TIGD4: variants seen among roughly 807,000 people sequenced by gnomAD.
TIGD4 encodes the protein tigger transposable element derived 4, also known as tigger transposable element-derived protein 4.
TIGD4 carries 20 observed loss-of-function variants against 24.9 expected under a neutral mutation model. The ratio of observed to expected loss-of-function variants is 0.80; its 90% CI spans 0.56 to 1.17. The LOEUF is 1.17. Ranked by LOEUF, TIGD4 falls within the 50% of genes most tolerant of loss-of-function variation. TIGD4 has a pLI of 0.00. For missense variants in TIGD4, 566 were observed against 591.0 expected, an observed-to-expected ratio of 0.96 and a Z score of 0.44; for synonymous variants, 193 against 211.0, an observed-to-expected ratio of 0.91 and a Z score of 0.74.
rs757616663 is a variant in TIGD4, at chr4:152,770,588, C to A, written c.417G>T (p.Arg139Ser). The change falls in exon 2 of 2, where the codon AGG (arginine) becomes AGT (serine). Residue 139 changes from arginine (R) to serine (S), a missense_variant. By Grantham distance (110) the Arg-to-Ser change is moderately radical. Coordinates refer to ENST00000304337, the MANE Select transcript of TIGD4 (RefSeq NM_145720.4). The stretch of plus-strand genomic sequence containing the variant: ...GTTGAGCTCTGAATACTAAACCATA[C>A]CTGGATTTAAAACGATCCAGCCAAC... ...SNGWLDRFKS[R>S]YGLVFRAQPV... is the part of the protein sequence containing the mutation. The A allele has an allele frequency of 2.5e-6, 4 of 1,609,334 alleles. No homozygotes were observed. The highest frequency in any genetic ancestry group is 4.5e-5 in the East Asian group (2 of 44,818).
In TIGD4 at chr4:152,770,916, A is replaced by T; in HGVS notation, c.89T>A (p.Ile30Lys). 6.2e-7 allele frequency: 1 copy of T among 1,613,954 alleles called. No individual in the cohort carries two copies. The highest frequency in any genetic ancestry group is 2.2e-5 in the East Asian group (1 of 44,870). ...TTTCTTGCCACTTTCCACTGCATTT[A>T]TGATGTCGATCTTTTCCTCAATGGA... is the stretch of plus-strand genomic sequence containing the variant. Reference protein sequence around the residue: ...SLSIEEKIDIINAVESGKKKA... With the variant: ...SLSIEEKIDIKNAVESGKKKA... Residue 30 changes from isoleucine to lysine, a missense_variant, in exon 2 of 2, where the codon ATA (isoleucine) becomes AAA (lysine). Transcript: ENST00000304337.
chr4:152,771,151 AG>A lies in TIGD4; in HGVS notation c.-148del. 1 of 935,510 alleles carries A rather than the reference AG, an allele frequency of 1.1e-6. No individual in the cohort carries two copies. Among genetic ancestry groups the A allele is most frequent in the Non-Finnish European group, 1.5e-6 (1 of 674,252 alleles). The allele number at this position is 935,510 out of a possible 1,614,324, so 58.0% of individuals were successfully genotyped here. ...TTGGTGTCTAATAGTCTTATTTTGT[AG>A]GAACTTGATGACAAAATATGCTTTT... is the stretch of plus-strand genomic sequence containing the variant. On this transcript the variant is annotated 5_prime_UTR_variant, in exon 2 of 2. Transcript: ENST00000304337.
At position 152,770,206 on chromosome 4, in the gene TIGD4, G is replaced by T. The variant is rs763022819; in HGVS notation, c.799C>A (p.Gln267Lys). ...TCCTCATCAAGCTTTCGCATCCATT[G>T]TTCAAATACATCGGAGGTCATCCAT... ...MAWMTSDVFE[Q>K]WMRKLDEEFQ... The change falls in exon 2 of 2, where the codon CAA becomes AAA. Residue 267 changes from glutamine to lysine, a missense_variant. Coordinates refer to ENST00000304337, the MANE Select transcript of TIGD4 (RefSeq NM_145720.4). The T allele has an allele frequency of 6.2e-7, 1 of 1,614,088 alleles. No individual in the cohort carries two copies. Among genetic ancestry groups the T allele is most frequent in the Non-Finnish European group, 8.5e-7 (1 of 1,179,966 alleles).
chr4:152,776,996 C>T (rs1025366244), intron 1 of TIGD4, among the ~76,000 whole-genome samples: 4 of 152,168 alleles, frequency 2.6e-5, no homozygotes, highest in African/African-American at 9.7e-5. Flanking sequence ...GAAAACATTT[C>T]TGCTGATAAG....
rs371058118 is a variant in TIGD4, at chr4:152,770,173, C to T, written c.832G>A (p.Ala278Thr). Residue 278 changes from alanine (A) to threonine (T), a missense_variant, in exon 2 of 2, where the codon GCC becomes ACC. Ala to Thr is a moderately conservative substitution (Grantham distance 58). Coordinates refer to ENST00000304337, the MANE Select transcript of TIGD4 (RefSeq NM_145720.4). ...AAAATCACCACTCTTCGTTGCTGGGCTTGAAATTCCTCATCAAGCTTTCGC... is the reference window on the plus strand; with the variant it reads ...AAAATCACCACTCTTCGTTGCTGGGTTTGAAATTCCTCATCAAGCTTTCGC... ...WMRKLDEEFQ[A>T]QQRRVVIFVE... 501 of 1,614,080 alleles carry T rather than the reference C, an allele frequency of 3.1e-4. 5 individuals carry two copies. In the South Asian group the frequency reaches 5.2e-3, roughly 17 times the overall value.
Position 152,772,688 on chromosome 4 carries a change from A to C in TIGD4, c.-538-1146T>G, listed in dbSNP as rs373402445. Among the ~76,000 whole-genome samples, 22 of 151,752 alleles carry C rather than the reference A, an allele frequency of 1.4e-4. 1 individual carries two copies. Among genetic ancestry groups the C allele is most frequent in the African/African-American group, 4.6e-4 (19 of 41,356 alleles). On this transcript the variant is annotated intron_variant, in intron 1 of 1. Transcript: ENST00000304337. ...AACAGAAGCAAGAATCCCACCTTAAATCTATACTCAAAGTAGGGCTTTTCT... is the reference window on the plus strand; with the variant it reads ...AACAGAAGCAAGAATCCCACCTTAACTCTATACTCAAAGTAGGGCTTTTCT...
At chr4:152,774,132 T>C (rs932107471) in intron 1 of TIGD4, among the ~76,000 whole-genome samples, 4 of 151,220 alleles carry the variant, frequency 2.6e-5, no homozygotes, top group African/African-American at 9.7e-5. Flanking sequence ...ATAAAATCTA[T>C]CATGTCAAAC....
In TIGD4 at chr4:152,770,223, G is replaced by C; in HGVS notation, c.782C>G (p.Thr261Ser). Residue 261 changes from threonine (T) to serine (S), a missense_variant, in exon 2 of 2, where the codon ACC (threonine) becomes AGC (serine). Transcript: ENST00000304337. The part of the protein sequence containing the change: ...CYEANRMAWM[T>S]SDVFEQWMRK... The stretch of plus-strand genomic sequence containing the variant: ...CATCCATTGTTCAAATACATCGGAG[G>C]TCATCCATGCCATTCTGTTAGCTTC... 6.2e-7 allele frequency: 1 copy of C among 1,614,048 alleles called. No homozygotes were observed. Among genetic ancestry groups the C allele is most frequent in the Non-Finnish European group, 8.5e-7 (1 of 1,179,966 alleles).
chr4:152,779,389 G>C (rs558387735), intron 1 of TIGD4, 93 bp downstream of exon 1: 3 of 152,348 alleles, frequency 2.0e-5, no homozygotes, highest in African/African-American at 7.2e-5. Context: ...CCCCAGGCAC[G>C]GGGGCAGCGC....
Position 152,769,862 on chromosome 4 carries a change from T to C in TIGD4, c.1143A>G (p.Lys381=), listed in dbSNP as rs922671560. 27 of 1,613,072 alleles carry C rather than the reference T, an allele frequency of 1.7e-5. No individual in the cohort carries two copies. The highest frequency in any genetic ancestry group is 1.6e-4 in the Middle Eastern group (1 of 6,084). The change falls in exon 2 of 2, where the codon AAA becomes AAG. Residue 381 remains lysine, a synonymous_variant. Transcript: ENST00000304337. The part of the protein sequence containing the change: ...IVKSYEEAGF[K]SQKGESDITN... ...TTATGTCACTTTCTCCCTTTTGAGA[T>C]TTGAATCCTGCCTCTTCATAGCTTT...
chr4:152,773,361 GAA>G (rs1167196735), intron 1 of TIGD4, among the ~76,000 whole-genome samples: 1 of 151,836 alleles, frequency 6.6e-6, no homozygotes, highest in Non-Finnish European at 1.5e-5. Flanking sequence ...GTGTCATTTC[GAA>G]AAAAGTCTTA....
Position 152,770,203 on chromosome 4 carries a change from A to C in TIGD4, c.802T>G (p.Trp268Gly). Residue 268 changes from tryptophan (W) to glycine (G), a missense_variant, in exon 2 of 2, where the codon TGG (tryptophan) becomes GGG (glycine). By Grantham distance (184) the Trp-to-Gly change is radical. Coordinates refer to ENST00000304337, the MANE Select transcript of TIGD4 (RefSeq NM_145720.4). ...AWMTSDVFEQ[W>G]MRKLDEEFQA... is the part of the protein sequence containing the mutation. Reference sequence around the variant, plus strand: ...AATTCCTCATCAAGCTTTCGCATCCATTGTTCAAATACATCGGAGGTCATC... The same window carrying C: ...AATTCCTCATCAAGCTTTCGCATCCCTTGTTCAAATACATCGGAGGTCATC... 2 of 1,614,126 alleles carry C rather than the reference A, an allele frequency of 1.2e-6. No homozygotes were observed. Among genetic ancestry groups the C allele is most frequent in the Admixed American group, 1.7e-5 (1 of 60,024 alleles).
At chr4:152,775,692 C>A (rs1730248336) in intron 1 of TIGD4, among the ~76,000 whole-genome samples, 1 of 152,176 alleles carries the variant, frequency 6.6e-6, no homozygotes, top group Non-Finnish European at 1.5e-5. Context: ...TCCTCTACTG[C>A]CACAAGCAGG....
chr4:152,769,779 A>G lies in TIGD4; in HGVS notation c.1226T>C (p.Val409Ala). The G allele has an allele frequency of 6.2e-7, 1 of 1,613,446 alleles. No homozygotes were observed. Among genetic ancestry groups the G allele is most frequent in the Non-Finnish European group, 8.5e-7 (1 of 1,179,928 alleles). ...TATAGATAAACCTTCAGGAAATTCT[A>G]CTCCTGCCCCCAGAGCATCAGCAAC... ...DLVADALGAG[V>A]EFPEGLSIEE... The change falls in exon 2 of 2, where the codon GTA (valine) becomes GCA (alanine). Residue 409 changes from valine (V) to alanine (A), a missense_variant. By Grantham distance (64) the Val-to-Ala change is moderately conservative (BLOSUM62 0). Coordinates refer to ENST00000304337, the MANE Select transcript of TIGD4 (RefSeq NM_145720.4).
At chr4:152,778,581 A>G (rs1251518395) in intron 1 of TIGD4, among the ~76,000 whole-genome samples, 4 of 152,230 alleles carry the variant, frequency 2.6e-5, no homozygotes, top group African/African-American at 7.2e-5. Context: ...TTTGTTTAAG[A>G]CAGAACCACT....
chr4:152,770,010 T>A lies in TIGD4; in HGVS notation c.995A>T (p.His332Leu). The A allele has an allele frequency of 6.2e-7, 1 of 1,610,060 alleles. No individual in the cohort carries two copies. Among genetic ancestry groups the A allele is most frequent in the East Asian group, 2.2e-5 (1 of 44,800 alleles). ...GCTTAAAAATTTCTTGATAAGACAGTGTCGATATTTGATTTTAAGGCTTTT... is the reference window on the plus strand; with the variant it reads ...GCTTAAAAATTTCTTGATAAGACAGAGTCGATATTTGATTTTAAGGCTTTT... ...VIKSLKIKYR[H>L]CLIKKFLSSV... Residue 332 changes from histidine to leucine, a missense_variant, in exon 2 of 2, where the codon CAC (histidine) becomes CTC (leucine). Physicochemically the swap from His to Leu is moderately conservative, Grantham distance 99 (BLOSUM62 -3). Coordinates refer to ENST00000304337, the MANE Select transcript of TIGD4 (RefSeq NM_145720.4).
Position 152,771,087 on chromosome 4 carries a change from A to T in TIGD4, c.-83T>A. Reference sequence around the variant, plus strand: ...AATTAAATTTGTTTTCCAGTATAATATAGATTGCTGCTTTCTATCCTACTT... The same window carrying T: ...AATTAAATTTGTTTTCCAGTATAATTTAGATTGCTGCTTTCTATCCTACTT... On this transcript the variant is annotated 5_prime_UTR_variant, in exon 2 of 2. Transcript: ENST00000304337. 6.9e-7 allele frequency: 1 copy of T among 1,451,718 alleles called. No individual in the cohort carries two copies. The highest frequency in any genetic ancestry group is 9.1e-7 in the Non-Finnish European group (1 of 1,098,982). 89.9% of individuals were successfully genotyped at this position (1,451,718 alleles called of 1,614,324 possible).
rs779872698 is a variant in TIGD4, at chr4:152,769,816, C to A, written c.1189G>T (p.Gly397Cys). 1 of 1,613,184 alleles carries A rather than the reference C, an allele frequency of 6.2e-7. No homozygotes were observed. Among genetic ancestry groups the A allele is most frequent in the East Asian group, 2.2e-5 (1 of 44,880 alleles). The change falls in exon 2 of 2, where the codon GGT becomes TGT. Residue 397 changes from glycine (G) to cysteine (C), a missense_variant. Transcript: ENST00000304337. The stretch of plus-strand genomic sequence containing the variant: ...AGAGCATCAGCAACCAAATCCAGAC[C>A]AGTATCCTTCTCTGCATTTGTTATG... ...SDITNAEKDT[G>C]LDLVADALGA... is the part of the protein sequence containing the mutation.
chr4:152,770,101 T>TG lies in TIGD4; in HGVS notation c.903dup (p.Ile302HisfsTer2). ...CATGATGGAAAGAATGCTAACTCAA[T>TG]GGATTTTAGGTTCTTTACCTCTGGA... is the stretch of plus-strand genomic sequence containing the variant. On this transcript the variant is annotated frameshift_variant, in exon 2 of 2. Transcript: ENST00000304337. LOFTEE classifies it high-confidence loss of function. 6.2e-7 allele frequency: 1 copy of TG among 1,614,098 alleles called. No homozygotes were observed. The highest frequency in any genetic ancestry group is 8.5e-7 in the Non-Finnish European group (1 of 1,179,930).
Sources: allele counts gnomAD v4.1 joint callset (sites outside exome capture counted in the v4.1 genomes callset), GRCh38; gene constraint gnomAD v4.1.1; transcripts MANE v1.5; gene names NCBI Gene and HGNC (gene_info 2026-07-23, HGNC 2026-07-21).